GALC: variants seen among roughly 807,000 people sequenced by gnomAD.
GALC encodes the protein galactocerebrosidase.
In GALC, 77 loss-of-function variants were observed where a neutral mutation model predicts 91.8. That is an observed-to-expected ratio of 0.84 (90% confidence interval 0.70 to 1.01). The LOEUF is 1.01. Among genes scored for constraint, GALC ranks in the 50% least tolerant of loss-of-function variants. The probability of loss-of-function intolerance (pLI) is 0.00; values close to 1 mark genes in which losing one functional copy is unlikely to be tolerated. For synonymous variants in GALC, 357 were observed against 306.7 expected, an observed-to-expected ratio of 1.16 and a Z score of -1.71; for missense variants, 882 against 855.9, an observed-to-expected ratio of 1.03 and a Z score of -0.38.
rs190200915 is a variant in GALC at position 87,957,755 on chromosome 14, C to G, written c.1161+5629G>C. On this transcript the variant is annotated intron_variant, in intron 10 of 16. Coordinates refer to ENST00000261304, the MANE Select transcript of GALC (RefSeq NM_000153.4). ...GAGAATCAAACCAATAACTCAATCT[C>G]TTTTAGAATAGCTACAAAAATATAT... 1.2e-4 allele frequency among the ~76,000 whole-genome samples: 19 copies of G among 152,220 alleles called. No homozygotes were observed. The South Asian group carries it at 2.1e-3, about 17-fold the overall frequency.
At chr14:87,952,560 C>T (rs968406895) in intron 10 of GALC, 25 of 983,346 alleles carry the variant, frequency 2.5e-5, no homozygotes, top group Non-Finnish European at 3.7e-5. Context: ...AGTATCACAA[C>T]ACACAGTTTC....
chr14:87,966,046 G>C (rs1886040718), intron 8 of GALC, among the ~76,000 whole-genome samples: 1 of 152,062 alleles, frequency 6.6e-6, no homozygotes, highest in Non-Finnish European at 1.5e-5. Flanking sequence ...TTATGAACTT[G>C]ACTCTGAACT....
At chr14:87,949,329 G>A (rs978509050) in intron 12 of GALC, among the ~76,000 whole-genome samples, 2 of 151,866 alleles carry the variant, frequency 1.3e-5, no homozygotes, top group African/African-American at 4.8e-5. Context: ...GGATAATGAG[G>A]GCCATGTGCT....
intron 6 of GALC, chr14:87,980,369 G>A (rs1379206423): frequency 1.3e-5 from 4 of 304,624 alleles, no homozygotes; most frequent in Non-Finnish European, 1.9e-5. Flanking sequence ...GTGACAGAGA[G>A]AGACTCTGTC....
intron 1 of GALC, 112 bp from the exon 2 acceptor site, chr14:87,988,635 C>T: frequency 1.2e-6 from 1 of 828,194 alleles, no homozygotes; most frequent in Non-Finnish European, 2.1e-6. Context: ...CAGGCAAGGT[C>T]AGGCTGAGGA....
intron 10 of GALC, chr14:87,953,503 G>A (rs533012190): frequency 6.2e-7 from 1 of 1,603,158 alleles, no homozygotes; most frequent in East Asian, 2.2e-5. Flanking sequence ...AGAAAATACA[G>A]GATCTCAAGA....
At chr14:87,940,815 G>C (rs959190372) in intron 15 of GALC, among the ~76,000 whole-genome samples, 1 of 151,910 alleles carries the variant, frequency 6.6e-6, no homozygotes, top group African/African-American at 2.4e-5. Context: ...CTTCAAAGGA[G>C]TGGTGTGTAT....
At chr14:87,993,522 C>G, upstream of GALC, 1 of 1,506,344 alleles carries the variant, frequency 6.6e-7, no homozygotes, top group Non-Finnish European at 8.9e-7. Context: ...CTACCTCGTG[C>G]GAGGACCAGG....
At chr14:87,985,234 C>T (rs1886920365) in intron 4 of GALC, among the ~76,000 whole-genome samples, 1 of 151,984 alleles carries the variant, frequency 6.6e-6, no homozygotes. Flanking sequence ...TTAAAATAGG[C>T]TCAATAGTTA....
Position 87,968,361 on chromosome 14 carries a change from C to T in GALC, c.882G>A (p.Gln294=). ...GAGCWGRILN[Q]NYINGYMTST... ...AAGTCATATAGCCATTGATATAATT[C>T]TGATTTAAAATGCGACCCCAGCAGC... is the stretch of plus-strand genomic sequence containing the variant. Residue 294 remains glutamine, a synonymous_variant, in exon 8 of 17, where the codon CAG becomes CAA. Transcript: ENST00000261304. The T allele has an allele frequency of 6.2e-7, 1 of 1,613,212 alleles. No homozygotes were observed. Among genetic ancestry groups the T allele is most frequent in the African/African-American group, 1.3e-5 (1 of 74,902 alleles).
At chr14:87,965,714 T>A (rs919307576) in intron 8 of GALC, 85 bp from the exon 9 acceptor site, 2 of 1,302,296 alleles carry the variant, frequency 1.5e-6, no homozygotes, top group East Asian at 2.4e-5. Context: ...AAAGACTTTA[T>A]CATAGTAATA....
At chr14:87,992,367 C>A (rs1422406642) in intron 1 of GALC, 1 of 1,535,724 alleles carries the variant, frequency 6.5e-7, no homozygotes, top group East Asian at 2.4e-5. Flanking sequence ...TCAGGCCGCT[C>A]GCTTATCTTC....
intron 1 of GALC, among the ~76,000 whole-genome samples, chr14:87,988,753 C>A (rs530378553): frequency 6.6e-6 from 1 of 152,176 alleles, no homozygotes; most frequent in African/African-American, 2.4e-5. Flanking sequence ...GGCATGAGGG[C>A]TAACTGGGAG....
intron 14 of GALC, among the ~76,000 whole-genome samples, chr14:87,943,816 C>G (rs913553240): frequency 1.3e-5 from 2 of 149,970 alleles, no homozygotes; most frequent in African/African-American, 4.9e-5. Context: ...CTGAGCAGAT[C>G]TGGCTGCCTC....
chr14:87,954,207 A>C, intron 10 of GALC: 1 of 1,565,140 alleles, frequency 6.4e-7, no homozygotes, highest in Non-Finnish European at 8.8e-7. Flanking sequence ...TCTTCCTCCG[A>C]GGCAGCCTCA....
intron 10 of GALC, among the ~76,000 whole-genome samples, chr14:87,951,525 C>G (rs1885308170): frequency 6.6e-6 from 1 of 151,914 alleles, no homozygotes; most frequent in African/African-American, 2.4e-5. Context: ...CATCTAGCAA[C>G]AGCAGGATGC....
At chr14:87,961,994 T>C (rs1566987324) in intron 10 of GALC, among the ~76,000 whole-genome samples, 1 of 152,178 alleles carries the variant, frequency 6.6e-6, no homozygotes, top group Non-Finnish European at 1.5e-5. Context: ...TACCTGTAGA[T>C]CCCTTCCTTC....
chr14:87,958,047 G>C (rs183027731), intron 10 of GALC, among the ~76,000 whole-genome samples: 70 of 152,102 alleles, frequency 4.6e-4, no homozygotes, highest in African/African-American at 1.6e-3. Flanking sequence ...AGTCCAAACA[G>C]CCAAAGCAAT....
intron 10 of GALC, among the ~76,000 whole-genome samples, chr14:87,961,301 G>A (rs1885790148): frequency 6.6e-6 from 1 of 152,132 alleles, no homozygotes; most frequent in Admixed American, 6.6e-5. Flanking sequence ...TCAAAGGCAT[G>A]GACAGTAAGA....
Sources: gnomAD v4.1 joint callset for allele counts (sites outside exome capture counted in the v4.1 genomes callset) on GRCh38, gnomAD v4.1.1 for gene constraint, MANE v1.5 for transcripts, NCBI Gene and HGNC (gene_info 2026-07-23, HGNC 2026-07-21) for gene names.